MYO6: variants seen among roughly 807,000 people sequenced by gnomAD.
MYO6 encodes the protein myosin VI.
A neutral mutation model predicts 178.7 loss-of-function variants in MYO6; 74 were observed. The observed-to-expected ratio is 0.41, with a 90% confidence interval of 0.34 to 0.50. MYO6 has a LOEUF of 0.50. Among genes scored for constraint, MYO6 ranks in the 20% least tolerant of loss-of-function variants. The probability of loss-of-function intolerance (pLI) is 0.09; values close to 1 mark genes in which losing one functional copy is unlikely to be tolerated. For synonymous variants in MYO6, 477 were observed against 504.6 expected, an observed-to-expected ratio of 0.95 and a Z score of 0.73; for missense variants, 1,330 against 1,547.4, an observed-to-expected ratio of 0.86 and a Z score of 2.36.
chr6:75,800,686 G>A (rs947806728), intron 1 of MYO6, among the ~76,000 whole-genome samples: 1 of 152,150 alleles, frequency 6.6e-6, no homozygotes, highest in African/African-American at 2.4e-5. Flanking sequence ...GATGTCTGGA[G>A]TTAGGAGAGA....
At chr6:75,857,016 GT>G in intron 12 of MYO6, 80 bp from the exon 13 acceptor site, 1 of 1,299,664 alleles carries the variant, frequency 7.7e-7, no homozygotes, top group Non-Finnish European at 1.1e-6. Context: ...TCTTCTCTGT[GT>G]GTATGTTTAG....
rs548263713 is a variant in MYO6, at chr6:75,770,941, G to GT, written c.-48+21519dup. 7.3e-4 allele frequency among the ~76,000 whole-genome samples: 111 copies of GT among 151,292 alleles called. No individual in the cohort carries two copies. The East Asian group carries it at 0.017, about 24-fold the overall frequency. The stretch of plus-strand genomic sequence containing the variant: ...TATTTTGATGTTGTTGACGAGGATA[G>GT]TATTGATAGCTTACCCCAAGACACA... On this transcript the variant is annotated intron_variant, in intron 1 of 34. Coordinates refer to ENST00000369977, the MANE Select transcript of MYO6 (RefSeq NM_004999.4).
intron 1 of MYO6, among the ~76,000 whole-genome samples, chr6:75,753,455 G>GTGTGTGTGTGTGTATATATA (rs370647728): frequency 2.1e-4 from 30 of 140,056 alleles, no homozygotes; most frequent in African/African-American, 7.8e-4. Context: ...GTGTGTGTGT[G>GTGTGTGTGTGTGTATATATA]TATATATATA....
At chr6:75,846,172 T>C (rs1449967504) in intron 10 of MYO6, among the ~76,000 whole-genome samples, 1 of 151,982 alleles carries the variant, frequency 6.6e-6, no homozygotes, top group East Asian at 1.9e-4. Context: ...ACAACCCTTA[T>C]AAATTTTAAT....
At chr6:75,818,636 C>G (rs1771535846) in intron 2 of MYO6, among the ~76,000 whole-genome samples, 1 of 152,140 alleles carries the variant, frequency 6.6e-6, no homozygotes, top group African/African-American at 2.4e-5. Context: ...TGCCATATGA[C>G]TACCATCCTT....
intron 1 of MYO6, among the ~76,000 whole-genome samples, chr6:75,800,721 G>C (rs563863840): frequency 6.6e-6 from 1 of 151,948 alleles, no homozygotes; most frequent in East Asian, 1.9e-4. Context: ...ATAGAAAATG[G>C]GGCATTACTA....
chr6:75,919,263 T>G lies in MYO6; in HGVS notation c.*4251T>G, dbSNP rs1274905029. On this transcript the variant is annotated 3_prime_UTR_variant, in exon 35 of 35. Coordinates refer to ENST00000369977, the MANE Select transcript of MYO6 (RefSeq NM_004999.4). The stretch of plus-strand genomic sequence containing the variant: ...GTAGGTAATTTTTCATCCCTAAACC[T>G]TTTCTCAGCCTCCCACTTTCTGGAG... The G allele has an allele frequency of 6.6e-6, 1 of 152,228 alleles. No homozygotes were observed. Among genetic ancestry groups the G allele is most frequent in the African/African-American group, 2.4e-5 (1 of 41,444 alleles). 9.4% of individuals were successfully genotyped at this position (152,228 alleles called of 1,614,324 possible).
intron 19 of MYO6, among the ~76,000 whole-genome samples, 180 bp from the exon 20 acceptor site, chr6:75,873,027 G>C (rs899717936): frequency 2.0e-5 from 3 of 152,142 alleles, no homozygotes; most frequent in African/African-American, 7.2e-5. Flanking sequence ...GCTCATTTCA[G>C]CCTCCCAAAA....
At chr6:75,774,244 TAATAA>T (rs1165453844) in intron 1 of MYO6, among the ~76,000 whole-genome samples, 11 of 152,210 alleles carry the variant, frequency 7.2e-5, no homozygotes, top group African/African-American at 1.4e-4. Context: ...TATTTTTACA[TAATAA>T]AATGGTATAT....
intron 22 of MYO6, among the ~76,000 whole-genome samples, 186 bp downstream of exon 22, chr6:75,880,306 A>C (rs1202220939): frequency 6.6e-6 from 1 of 152,234 alleles, no homozygotes; most frequent in African/African-American, 2.4e-5. Context: ...ATAATTATAT[A>C]TAATGTTCAT....
intron 10 of MYO6, among the ~76,000 whole-genome samples, chr6:75,846,656 T>C (rs1463769288): frequency 6.6e-6 from 1 of 152,142 alleles, no homozygotes; most frequent in African/African-American, 2.4e-5. Context: ...TTCTGAGATA[T>C]CAAAATATAG....
At chr6:75,780,326 C>A (rs2150049541) in intron 1 of MYO6, among the ~76,000 whole-genome samples, 1 of 152,286 alleles carries the variant, frequency 6.6e-6, no homozygotes, top group East Asian at 1.9e-4. Context: ...CCTGTAATCC[C>A]AGCTACTTGG....
intron 9 of MYO6, among the ~76,000 whole-genome samples, chr6:75,841,817 T>C (rs1042575539): frequency 3.3e-5 from 5 of 152,194 alleles, no homozygotes; most frequent in Non-Finnish European, 5.9e-5. Context: ...AAGTATAACA[T>C]GTTAGAATGA....
intron 1 of MYO6, among the ~76,000 whole-genome samples, chr6:75,788,976 A>G (rs755436969): frequency 8.5e-5 from 13 of 152,228 alleles, no homozygotes; most frequent in Admixed American, 2.6e-4. Context: ...ATTCCTTCAT[A>G]TGCAATGTAA....
chr6:75,778,030 T>G (rs1429287060), intron 1 of MYO6, among the ~76,000 whole-genome samples: 1 of 152,188 alleles, frequency 6.6e-6, no homozygotes, highest in Non-Finnish European at 1.5e-5. Context: ...GTATTTTTTT[T>G]TAATTTAAAA....
rs118048811 is a variant in MYO6, at chr6:75,828,365, G to A, written c.188-175G>A. Among the ~76,000 whole-genome samples, 32 of 152,064 alleles carry A rather than the reference G, an allele frequency of 2.1e-4. 1 individual carries two copies. In the East Asian group the frequency reaches 5.6e-3, roughly 27 times the overall value. ...CTGTAACACACATGTAAACTGAATCGCTTTTAAATCAGCTTCTAGGGTTTA... is the reference window on the plus strand; with the variant it reads ...CTGTAACACACATGTAAACTGAATCACTTTTAAATCAGCTTCTAGGGTTTA... On this transcript the variant is annotated intron_variant, in intron 3 of 34. Coordinates refer to ENST00000369977, the MANE Select transcript of MYO6 (RefSeq NM_004999.4).
chr6:75,796,273 C>T (rs1321087311), intron 1 of MYO6, among the ~76,000 whole-genome samples: 2 of 152,154 alleles, frequency 1.3e-5, no homozygotes, highest in South Asian at 2.1e-4. Context: ...AGGCTGTTTA[C>T]ACCTTGGCAT....
intron 18 of MYO6, chr6:75,867,665 A>G (rs1776810310): frequency 6.6e-6 from 1 of 152,644 alleles, no homozygotes; most frequent in Non-Finnish European, 1.5e-5. Context: ...ATATTACACT[A>G]AAATTTGATT....
chr6:75,768,999 C>G (rs202191322), intron 1 of MYO6, among the ~76,000 whole-genome samples: 1 of 151,914 alleles, frequency 6.6e-6, no homozygotes, highest in Non-Finnish European at 1.5e-5. Flanking sequence ...AGAGTGGCAG[C>G]AAGAGAAAAA....
Sources: gnomAD v4.1 joint callset for allele counts (sites outside exome capture counted in the v4.1 genomes callset) on GRCh38, gnomAD v4.1.1 for gene constraint, MANE v1.5 for transcripts, NCBI Gene and HGNC (gene_info 2026-07-23, HGNC 2026-07-21) for gene names.